Variants in PRKG1 observed in about 807,000 individuals in gnomAD.
The protein encoded by PRKG1 is protein kinase cGMP-dependent 1, also known as cGMP-dependent protein kinase 1.
Under a neutral mutation model 88.1 loss-of-function variants are expected in PRKG1, and 35 were observed. The ratio of observed to expected loss-of-function variants is 0.40; its 90% CI spans 0.30 to 0.53. PRKG1 has a LOEUF of 0.53. PRKG1 is among the 20% of genes least tolerant of loss of function. PRKG1 has a pLI of 0.59. For synonymous variants in PRKG1, 303 were observed against 292.5 expected, an observed-to-expected ratio of 1.04 and a Z score of -0.37; for missense variants, 540 against 839.8, an observed-to-expected ratio of 0.64 and a Z score of 4.41.
chr10:51,973,741 A>G (rs1336029621), intron 5 of PRKG1, among the ~76,000 whole-genome samples: 1 of 152,130 alleles, frequency 6.6e-6, no homozygotes, highest in Non-Finnish European at 1.5e-5. Flanking sequence ...TATATCTCAT[A>G]GATCAGAAAC....
chr10:51,638,640 T>C (rs1426527584), intron 3 of PRKG1, among the ~76,000 whole-genome samples: 1 of 152,174 alleles, frequency 6.6e-6, no homozygotes, highest in Non-Finnish European at 1.5e-5. Flanking sequence ...AATTCTTTGT[T>C]ATAATATGGA....
At chr10:51,543,800 A>G (rs545118283) in intron 3 of PRKG1, among the ~76,000 whole-genome samples, 2 of 152,316 alleles carry the variant, frequency 1.3e-5, no homozygotes, top group Admixed American at 6.5e-5. Context: ...CCTAACATAG[A>G]GATGGTCATA....
At chr10:51,130,099 T>C (rs1476884657) in intron 1 of PRKG1, among the ~76,000 whole-genome samples, 1 of 152,216 alleles carries the variant, frequency 6.6e-6, no homozygotes, top group Non-Finnish European at 1.5e-5. Context: ...GGGGACCTGA[T>C]TTGTTTAAAA....
chr10:51,276,131 C>A (rs1840110745), intron 2 of PRKG1, among the ~76,000 whole-genome samples: 1 of 152,090 alleles, frequency 6.6e-6, no homozygotes, highest in East Asian at 1.9e-4. Flanking sequence ...AACCCCACGA[C>A]AGGCCCCAGT....
intron 3 of PRKG1, among the ~76,000 whole-genome samples, chr10:51,556,125 G>C (rs1410870089): frequency 6.6e-6 from 1 of 151,920 alleles, no homozygotes; most frequent in Non-Finnish European, 1.5e-5. Context: ...CATATTCTAG[G>C]CTCTCTCAAG....
chr10:51,696,257 C>T (rs1017138532), intron 3 of PRKG1: 9 of 137,024 alleles, frequency 6.6e-5, no homozygotes, highest in African/African-American at 2.2e-4. Flanking sequence ...GTTAAATGCT[C>T]TTTAAAGGTT....
chr10:50,996,846 T>A (rs1842841417), intron 1 of PRKG1, among the ~76,000 whole-genome samples: 1 of 152,184 alleles, frequency 6.6e-6, no homozygotes, highest in Admixed American at 6.5e-5. Flanking sequence ...ATGAACGTGG[T>A]GATGTGCTAA....
In PRKG1 at chr10:51,822,873, G is replaced by A. The variant is rs542631038; in HGVS notation, c.698+18183G>A. Among the ~76,000 whole-genome samples the A allele has an allele frequency of 1.7e-4, 26 of 152,198 alleles. 1 individual carries two copies. The highest frequency in any genetic ancestry group is 6.3e-4 in the African/African-American group (26 of 41,540). Reference sequence around the variant, plus strand: ...TCTTCTGTTTGTTTTGCATACAGCTGATTTTTCCTTTGTTGGTGGTTCTTC... The same window carrying A: ...TCTTCTGTTTGTTTTGCATACAGCTAATTTTTCCTTTGTTGGTGGTTCTTC... On this transcript the variant is annotated intron_variant, in intron 4 of 17. Transcript: ENST00000373980.
At chr10:51,190,986 T>C (rs755592035) in intron 2 of PRKG1, among the ~76,000 whole-genome samples, 18 of 151,870 alleles carry the variant, frequency 1.2e-4, no homozygotes, top group Non-Finnish European at 2.2e-4. Flanking sequence ...TGGGTTCCCA[T>C]ACCTTCGGTC....
chr10:52,268,731 C>T (rs1017666587), intron 10 of PRKG1, among the ~76,000 whole-genome samples: 75 of 151,986 alleles, frequency 4.9e-4, no homozygotes, highest in Non-Finnish European at 1.3e-4. Context: ...CACTTGATAG[C>T]TCTGTGACCT....
At chr10:51,710,076 A>G (rs1841706386) in intron 3 of PRKG1, among the ~76,000 whole-genome samples, 1 of 152,210 alleles carries the variant, frequency 6.6e-6, no homozygotes, top group South Asian at 2.1e-4. Flanking sequence ...TTAAATGTGA[A>G]CGAAAATGTG....
intron 3 of PRKG1, among the ~76,000 whole-genome samples, chr10:51,713,265 G>A (rs982111111): frequency 1.3e-5 from 2 of 152,132 alleles, no homozygotes; most frequent in Non-Finnish European, 2.9e-5. Flanking sequence ...AAAACTGACA[G>A]GAAAAAATTC....
chr10:51,931,982 G>T (rs1422781712), intron 5 of PRKG1, among the ~76,000 whole-genome samples: 1 of 152,054 alleles, frequency 6.6e-6, no homozygotes, highest in African/African-American at 2.4e-5. Flanking sequence ...AAATCCTGGT[G>T]TTATTTTCAG....
intron 2 of PRKG1, among the ~76,000 whole-genome samples, chr10:51,465,603 G>A (rs1263021232): frequency 6.6e-6 from 1 of 152,150 alleles, no homozygotes; most frequent in African/African-American, 2.4e-5. Context: ...CAAAGCCATT[G>A]CATTAATCTA....
At chr10:52,197,501 G>A (rs1056489217) in intron 9 of PRKG1, among the ~76,000 whole-genome samples, 3 of 152,162 alleles carry the variant, frequency 2.0e-5, no homozygotes, top group Non-Finnish European at 2.9e-5. Flanking sequence ...GAAAAACTCC[G>A]AGGTATAGGT....
At chr10:51,395,858 G>T (rs1837562814) in intron 2 of PRKG1, among the ~76,000 whole-genome samples, 1 of 152,148 alleles carries the variant, frequency 6.6e-6, no homozygotes, top group Non-Finnish European at 1.5e-5. Flanking sequence ...CCTGTCAGTA[G>T]GGAGGCAATA....
chr10:52,156,858 A>T (rs1052841494), intron 8 of PRKG1, among the ~76,000 whole-genome samples: 4 of 151,652 alleles, frequency 2.6e-5, no homozygotes, highest in Non-Finnish European at 1.5e-5. Context: ...ATATTTTTTT[A>T]AAAAGATTTA....
chr10:51,370,444 T>C (rs10997199), intron 2 of PRKG1, among the ~76,000 whole-genome samples: 5,813 of 150,854 alleles, frequency 0.039, 212 homozygotes, highest in African/African-American at 0.088. Context: ...AATAAAATAA[T>C]AATATGGGGT....
chr10:51,120,228 A>C lies in PRKG1; in HGVS notation c.312-32936A>C, dbSNP rs560647705. 2.6e-5 allele frequency among the ~76,000 whole-genome samples: 4 copies of C among 152,266 alleles called. No homozygotes were observed. The South Asian group carries it at 8.3e-4, about 32-fold the overall frequency. The stretch of plus-strand genomic sequence containing the variant: ...GTGTGCTCACTGCTTCTAAGATTAC[A>C]ATTTTAATGGAGAAAATTACCTTAA... On this transcript the variant is annotated intron_variant, in intron 1 of 17. Coordinates refer to ENST00000373980, the MANE Select transcript of PRKG1 (RefSeq NM_006258.4).
Sources: gnomAD v4.1 joint callset for allele counts (sites outside exome capture counted in the v4.1 genomes callset) on GRCh38, gnomAD v4.1.1 for gene constraint, MANE v1.5 for transcripts, NCBI Gene and HGNC (gene_info 2026-07-23, HGNC 2026-07-21) for gene names.